The following TRPC4AP variants were observed in gnomAD, a reference collection of about 807,000 sequenced individuals.
The protein encoded by TRPC4AP is short transient receptor potential channel 4-associated protein.
TRPC4AP carries 45 observed loss-of-function variants against 99.0 expected under a neutral mutation model. That is an observed-to-expected ratio of 0.45 (90% CI 0.36 to 0.58). The LOEUF is 0.58. Among genes scored for constraint, TRPC4AP ranks in the 20% least tolerant of loss-of-function variants. TRPC4AP has a pLI of 0.00. For synonymous variants in TRPC4AP, 408 were observed against 385.8 expected (o/e 1.06, Z -0.67); for missense variants, 879 against 985.3 (o/e 0.89, Z 1.44).
intron 7 of TRPC4AP, among the ~76,000 whole-genome samples, chr20:35,044,156 T>A (rs2083501997): frequency 6.6e-6 from 1 of 151,922 alleles, no homozygotes; most frequent in Non-Finnish European, 1.5e-5. Flanking sequence ...TTCGGGAAGA[T>A]GAGGTGGGTG....
intron 3 of TRPC4AP, among the ~76,000 whole-genome samples, chr20:35,068,979 A>ACAC (rs879662183): frequency 0.015 from 1,064 of 70,346 alleles, 15 homozygotes; most frequent in African/African-American, 0.054. Flanking sequence ...ACACACACAC[A>ACAC]AAAAAAACAA....
At chr20:35,021,132 C>T (rs1046738993) in intron 9 of TRPC4AP, 58 bp downstream of exon 9, 2 of 1,573,918 alleles carry the variant, frequency 1.3e-6, no homozygotes, top group Admixed American at 3.4e-5. Context: ...CCTGGCATAC[C>T]ATGAGCACCC....
chr20:35,081,059 T>A (rs988103944), intron 1 of TRPC4AP, among the ~76,000 whole-genome samples: 2 of 152,050 alleles, frequency 1.3e-5, no homozygotes, highest in African/African-American at 4.8e-5. Context: ...ATATAAATCA[T>A]GCCTCAATAA....
intron 8 of TRPC4AP, among the ~76,000 whole-genome samples, chr20:35,034,865 T>C (rs907415907): frequency 4.6e-5 from 7 of 152,182 alleles, no homozygotes; most frequent in Non-Finnish European, 1.0e-4. Flanking sequence ...TACTGGTTCT[T>C]GTTAGTCCCT....
At chr20:35,073,716 TA>T (rs1726899559) in intron 2 of TRPC4AP, among the ~76,000 whole-genome samples, 2 of 152,228 alleles carry the variant, frequency 1.3e-5, no homozygotes, top group African/African-American at 2.4e-5. Context: ...TCATCAGGGA[TA>T]TTGGTCTAAA....
chr20:35,056,180 T>C (rs1173443538), intron 4 of TRPC4AP, among the ~76,000 whole-genome samples: 1 of 152,206 alleles, frequency 6.6e-6, no homozygotes, highest in East Asian at 1.9e-4. Flanking sequence ...CTGTGATTGA[T>C]TTATTTAACG....
At chr20:35,072,925 T>G (rs182830291) in intron 2 of TRPC4AP, among the ~76,000 whole-genome samples, 41 of 152,356 alleles carry the variant, frequency 2.7e-4, no homozygotes, top group African/African-American at 9.9e-4. Flanking sequence ...GCATGGGATG[T>G]TCTTCCATTT....
intron 5 of TRPC4AP, among the ~76,000 whole-genome samples, chr20:35,051,414 C>G (rs534102018): frequency 2.2e-4 from 34 of 152,152 alleles, no homozygotes; most frequent in African/African-American, 7.5e-4. Context: ...CTCAAGCGAT[C>G]CCCCCACCTC....
rs373043586 is a variant in TRPC4AP, at chr20:35,044,659, G to A, written c.711C>T (p.Phe237=). ...VPNLSSLVSN[F]DQQQLANFCR... is the part of the protein sequence containing the mutation. The stretch of plus-strand genomic sequence containing the variant: ...AGAAATTAGCGAGCTGCTGCTGATC[G>A]AAATTGGATACTAAGGAACTCAGAT... Residue 237 remains phenylalanine (F), a synonymous_variant, in exon 7 of 19, where the codon TTC becomes TTT. Coordinates refer to ENST00000252015, the MANE Select transcript of TRPC4AP (RefSeq NM_015638.3). 9.9e-6 allele frequency: 16 copies of A among 1,614,032 alleles called. No individual in the cohort carries two copies. The highest frequency in any genetic ancestry group is 2.2e-5 in the South Asian group (2 of 91,074).
chr20:35,045,152 C>A (rs185652225), intron 6 of TRPC4AP, among the ~76,000 whole-genome samples: 1 of 152,120 alleles, frequency 6.6e-6, no homozygotes, highest in Non-Finnish European at 1.5e-5. Context: ...TTTTTTCTCT[C>A]CCTGCAGACG....
At chr20:35,083,709 A>C (rs2084715311) in intron 1 of TRPC4AP, among the ~76,000 whole-genome samples, 1 of 151,632 alleles carries the variant, frequency 6.6e-6, no homozygotes, top group Non-Finnish European at 1.5e-5. Context: ...CTGATCTGCA[A>C]GCTTTAAAAA....
chr20:35,023,938 T>C (rs2082952453), intron 8 of TRPC4AP, among the ~76,000 whole-genome samples: 2 of 152,206 alleles, frequency 1.3e-5, no homozygotes, highest in African/African-American at 4.8e-5. Flanking sequence ...CTTTCTGTGA[T>C]AAATATTTTC....
intron 3 of TRPC4AP, among the ~76,000 whole-genome samples, chr20:35,066,580 C>A (rs1183023710): frequency 6.6e-6 from 1 of 152,090 alleles, no homozygotes; most frequent in African/African-American, 2.4e-5. Context: ...GATCCTAACC[C>A]CTCAGTCATT....
At chr20:35,008,783 G>C in intron 12 of TRPC4AP, 36 bp from the exon 13 acceptor site, 1 of 1,591,368 alleles carries the variant, frequency 6.3e-7, no homozygotes, top group Non-Finnish European at 8.6e-7. Flanking sequence ...ACAGATCTGA[G>C]AGGCTGACAG....
chr20:35,023,116 G>C (rs532113593), intron 8 of TRPC4AP, among the ~76,000 whole-genome samples: 1 of 152,086 alleles, frequency 6.6e-6, no homozygotes, highest in African/African-American at 2.4e-5. Flanking sequence ...AACCTTGGAA[G>C]ACGACAAGCT....
chr20:35,064,765 A>G (rs1053611200), intron 3 of TRPC4AP, among the ~76,000 whole-genome samples: 2 of 152,260 alleles, frequency 1.3e-5, no homozygotes, highest in African/African-American at 4.8e-5. Context: ...ATTATACAGT[A>G]TATAACCATT....
chr20:35,006,957 T>C (rs1569078099), intron 14 of TRPC4AP, among the ~76,000 whole-genome samples: 1 of 152,244 alleles, frequency 6.6e-6, no homozygotes, highest in Non-Finnish European at 1.5e-5. Flanking sequence ...AGGACAGAAT[T>C]TAAAAGCAAA....
At position 35,004,930 on chromosome 20, in the gene TRPC4AP, A is replaced by C. The variant is rs149213839; in HGVS notation, c.1937-360T>G. On this transcript the variant is annotated intron_variant, in intron 16 of 18. Coordinates refer to ENST00000252015, the MANE Select transcript of TRPC4AP (RefSeq NM_015638.3). Reference sequence around the variant, plus strand: ...ACGCTGCATTAAGAAAAACAACGCAAAAGTTCCACTCCTTCTGCAGAGGTC... The same window carrying C: ...ACGCTGCATTAAGAAAAACAACGCACAAGTTCCACTCCTTCTGCAGAGGTC... Among the ~76,000 whole-genome samples, 186 of 152,228 alleles carry C rather than the reference A, an allele frequency of 1.2e-3. 1 individual carries two copies. Among genetic ancestry groups the C allele is most frequent in the African/African-American group, 4.3e-3 (178 of 41,530 alleles).
intron 6 of TRPC4AP, 99 bp from the exon 7 acceptor site, chr20:35,044,811 T>G: frequency 8.8e-7 from 1 of 1,131,288 alleles, no homozygotes; most frequent in East Asian, 2.4e-5. Context: ...GCTTAGTGGC[T>G]AGATCACTTA....
Sources: allele counts gnomAD v4.1 joint callset (sites outside exome capture counted in the v4.1 genomes callset), GRCh38; gene constraint gnomAD v4.1.1; transcripts MANE v1.5; gene names NCBI Gene and HGNC (gene_info 2026-07-23, HGNC 2026-07-21).